Variants in CDH18 observed in about 807,000 individuals in gnomAD.
CDH18 encodes the protein cadherin-18.
In CDH18, 31 loss-of-function variants were observed where a neutral mutation model predicts 67.9. The observed-to-expected ratio is 0.46, with a 90% CI of 0.34 to 0.62. The LOEUF (loss-of-function observed/expected upper bound fraction) is 0.62. CDH18 is among the 20% of genes least tolerant of loss of function. The probability of loss-of-function intolerance (pLI) is 0.01; values close to 1 mark genes in which losing one functional copy is unlikely to be tolerated. For synonymous variants in CDH18, 362 were observed against 347.2 expected (o/e 1.04, Z -0.48); for missense variants, 890 against 975.5 (o/e 0.91, Z 1.17).
chr5:20,043,662 T>C (rs1740645784), intron 2 of CDH18, among the ~76,000 whole-genome samples: 1 of 152,216 alleles, frequency 6.6e-6, no homozygotes, highest in South Asian at 2.1e-4. Flanking sequence ...CAGGCCAGTT[T>C]TCAAAAGTCC....
chr5:19,615,705 C>G (rs1749710683), intron 5 of CDH18, among the ~76,000 whole-genome samples: 1 of 152,194 alleles, frequency 6.6e-6, no homozygotes, highest in African/African-American at 2.4e-5. Flanking sequence ...CCCTCCCCTC[C>G]CTCAACCCCT....
chr5:19,765,716 A>C (rs1772990002), intron 3 of CDH18, among the ~76,000 whole-genome samples: 1 of 152,052 alleles, frequency 6.6e-6, no homozygotes, highest in Non-Finnish European at 1.5e-5. Flanking sequence ...ACAGTTAAAG[A>C]GTGTCTTTTT....
intron 2 of CDH18, among the ~76,000 whole-genome samples, chr5:19,910,232 T>C (rs1790978629): frequency 2.0e-5 from 3 of 152,198 alleles, no homozygotes; most frequent in South Asian, 4.1e-4. Context: ...TATTATGATA[T>C]ATATTCTAGT....
At chr5:20,001,221 G>A (rs1234040455) in intron 2 of CDH18, among the ~76,000 whole-genome samples, 1 of 152,054 alleles carries the variant, frequency 6.6e-6, no homozygotes, top group Non-Finnish European at 1.5e-5. Flanking sequence ...ATTCAATGTT[G>A]CTTTATAAAA....
chr5:20,259,312 C>T (rs150572676), intron 1 of CDH18, among the ~76,000 whole-genome samples: 80 of 152,202 alleles, frequency 5.3e-4, no homozygotes, highest in African/African-American at 1.8e-3. Context: ...CATGTACTGT[C>T]GTTATGCACC....
chr5:19,663,349 A>C (rs534026668), intron 5 of CDH18, among the ~76,000 whole-genome samples: 1 of 152,120 alleles, frequency 6.6e-6, no homozygotes, highest in South Asian at 2.1e-4. Flanking sequence ...TTGTACATTT[A>C]TATGAACCTG....
At position 20,028,825 on chromosome 5, in the gene CDH18, A is replaced by AT. The variant is rs147234038; in HGVS notation, c.-517-36812dup. Among the ~76,000 whole-genome samples, 2,705 of 152,206 alleles carry AT rather than the reference A, an allele frequency of 0.018. 181 individuals are homozygous for AT. The East Asian group carries it at 0.25, about 14-fold the overall frequency. ...TTATTTCTGCAATTTGTCATTTAAT[A>AT]TTTTTTTGGCTGCAGAAAACCGAAA... is the stretch of plus-strand genomic sequence containing the variant. On this transcript the variant is annotated intron_variant, in intron 2 of 14. Transcript: ENST00000507958.
chr5:20,312,233 G>A (rs559914887), intron 1 of CDH18, among the ~76,000 whole-genome samples: 8 of 152,164 alleles, frequency 5.3e-5, no homozygotes, highest in Admixed American at 1.3e-4. Flanking sequence ...TATTGTAATC[G>A]GCCATGAAAA....
At chr5:19,721,226 A>C (rs1267274289) in intron 5 of CDH18, 121 bp downstream of exon 5, 3 of 881,266 alleles carry the variant, frequency 3.4e-6, no homozygotes, top group African/African-American at 3.3e-5. Context: ...AAGTGAGGAT[A>C]TGTTTAAAAT....
At chr5:20,523,659 G>A (rs1436235821) in intron 1 of CDH18, among the ~76,000 whole-genome samples, 2 of 152,200 alleles carry the variant, frequency 1.3e-5, no homozygotes, top group East Asian at 3.9e-4. Context: ...TCCTGCCTCA[G>A]CCTCCCAAGT....
intron 5 of CDH18, among the ~76,000 whole-genome samples, chr5:19,687,885 G>A (rs930019698): frequency 1.3e-5 from 2 of 152,056 alleles, no homozygotes; most frequent in African/African-American, 4.8e-5. Flanking sequence ...AACCCTACCT[G>A]CCACAGCTGA....
At chr5:20,354,667 GT>G in intron 1 of CDH18, among the ~76,000 whole-genome samples, 1 of 152,224 alleles carries the variant, frequency 6.6e-6, no homozygotes, top group East Asian at 1.9e-4. Context: ...CTACCTAGGT[GT>G]CCCAAAGTGC....
chr5:19,494,030 G>T (rs760226835), intron 11 of CDH18, among the ~76,000 whole-genome samples: 1 of 152,178 alleles, frequency 6.6e-6, no homozygotes, highest in South Asian at 2.1e-4. Flanking sequence ...ACTAAAAGAA[G>T]ATCAACTGGC....
chr5:20,222,179 G>A (rs968987787), intron 2 of CDH18, among the ~76,000 whole-genome samples: 2 of 152,236 alleles, frequency 1.3e-5, no homozygotes, highest in Admixed American at 1.3e-4. Context: ...AGACCACATA[G>A]ATGCTAACAG....
chr5:20,425,180 A>G (rs1465679170), intron 1 of CDH18, among the ~76,000 whole-genome samples: 1 of 150,808 alleles, frequency 6.6e-6, no homozygotes, highest in Non-Finnish European at 1.5e-5. Flanking sequence ...AGCCTGACCA[A>G]CATGGTGAAA....
intron 2 of CDH18, among the ~76,000 whole-genome samples, chr5:20,184,279 C>T (rs1737923708): frequency 6.6e-6 from 1 of 152,022 alleles, no homozygotes; most frequent in Non-Finnish European, 1.5e-5. Flanking sequence ...TGATTATTTG[C>T]CTGTACCCAA....
intron 2 of CDH18, among the ~76,000 whole-genome samples, chr5:19,891,142 C>T (rs568836926): frequency 4.6e-5 from 7 of 152,198 alleles, no homozygotes; most frequent in Admixed American, 3.9e-4. Context: ...TTTACCTATC[C>T]CTGTTCTAAA....
intron 2 of CDH18, among the ~76,000 whole-genome samples, chr5:20,011,652 T>A (rs114209459): frequency 0.012 from 1,750 of 152,168 alleles, 42 homozygotes; most frequent in African/African-American, 0.04. Context: ...TTATTGAGAG[T>A]TTTTAACATG....
At chr5:19,792,454 C>A (rs1776461070) in intron 3 of CDH18, among the ~76,000 whole-genome samples, 1 of 152,098 alleles carries the variant, frequency 6.6e-6, no homozygotes, top group Non-Finnish European at 1.5e-5. Context: ...ATGACACCAC[C>A]AGCTTTCTTG....
Sources: gnomAD v4.1 joint callset for allele counts (sites outside exome capture counted in the v4.1 genomes callset) on GRCh38, gnomAD v4.1.1 for gene constraint, MANE v1.5 for transcripts, NCBI Gene and HGNC (gene_info 2026-07-23, HGNC 2026-07-21) for gene names.